Variants in LRRC4C observed in about 807,000 individuals in gnomAD.
LRRC4C encodes leucine rich repeat containing 4C.
A neutral mutation model predicts 33.6 loss-of-function variants in LRRC4C; 5 were observed. That is an observed-to-expected ratio of 0.15 (90% CI 0.08 to 0.31). The LOEUF is 0.31. LRRC4C is among the 10% of genes least tolerant of loss of function. LRRC4C has a pLI of 1.00. For synonymous variants in LRRC4C, 329 were observed against 302.0 expected (o/e 1.09, Z -0.93); for missense variants, 560 against 796.7 (o/e 0.70, Z 3.58).
intron 1 of LRRC4C, among the ~76,000 whole-genome samples, chr11:41,334,907 C>T (rs1253370652): frequency 2.0e-5 from 3 of 151,908 alleles, no homozygotes; most frequent in African/African-American, 7.3e-5. Context: ...AAACCACATA[C>T]ACACAAGAGT....
intron 2 of LRRC4C, among the ~76,000 whole-genome samples, chr11:40,780,962 T>C (rs867435444): frequency 1.3e-5 from 2 of 152,098 alleles, no homozygotes; most frequent in Admixed American, 1.3e-4. Flanking sequence ...CAGTCATGGG[T>C]CACTTACTGA....
At chr11:40,404,032 C>T (rs576545809) in intron 3 of LRRC4C, among the ~76,000 whole-genome samples, 40 of 152,296 alleles carry the variant, frequency 2.6e-4, no homozygotes, top group South Asian at 6.2e-4. Context: ...TGCCTTGTCT[C>T]ATGTTTGCTT....
intron 5 of LRRC4C, among the ~76,000 whole-genome samples, chr11:40,213,891 A>G (rs1236225958): frequency 2.6e-5 from 4 of 152,170 alleles, no homozygotes; most frequent in Non-Finnish European, 5.9e-5. Context: ...ACTACAAACA[A>G]TATGGTAGAT....
chr11:40,410,811 TG>T (rs1482347766), intron 3 of LRRC4C, among the ~76,000 whole-genome samples: 3 of 152,152 alleles, frequency 2.0e-5, no homozygotes, highest in African/African-American at 7.2e-5. Context: ...AGAAATGTCA[TG>T]TTTTTTTGCT....
At chr11:40,767,857 C>T (rs1023320829) in intron 2 of LRRC4C, among the ~76,000 whole-genome samples, 1 of 151,814 alleles carries the variant, frequency 6.6e-6, no homozygotes, top group Non-Finnish European at 1.5e-5. Flanking sequence ...TAAGTGCCTA[C>T]ATCAACAAGG....
chr11:41,036,021 G>T (rs1590313197), intron 1 of LRRC4C, among the ~76,000 whole-genome samples: 1 of 151,802 alleles, frequency 6.6e-6, no homozygotes, highest in African/African-American at 2.4e-5. Context: ...TGGAATTTAC[G>T]TTTAGGAGAA....
intron 1 of LRRC4C, among the ~76,000 whole-genome samples, chr11:41,166,213 C>T (rs1944720318): frequency 1.3e-5 from 2 of 152,124 alleles, no homozygotes; most frequent in East Asian, 1.9e-4. Flanking sequence ...CAGCACAGAG[C>T]CTAGCACATA....
chr11:41,205,591 TTG>T (rs757303606), intron 1 of LRRC4C, among the ~76,000 whole-genome samples: 4 of 152,162 alleles, frequency 2.6e-5, no homozygotes, highest in Non-Finnish European at 4.4e-5. Context: ...ATAAATTTGT[TTG>T]TTTGTTTTTC....
intron 1 of LRRC4C, among the ~76,000 whole-genome samples, chr11:41,040,603 C>T (rs1045692890): frequency 1.3e-5 from 2 of 152,196 alleles, no homozygotes; most frequent in African/African-American, 2.4e-5. Context: ...ATTCAGCCTC[C>T]ATACTTTAGC....
intron 1 of LRRC4C, among the ~76,000 whole-genome samples, chr11:41,190,100 A>G (rs184226585): frequency 2.6e-5 from 4 of 152,340 alleles, no homozygotes. Context: ...ACGGACATTC[A>G]TAACTTTCTG....
At chr11:40,179,932 T>TGATAGATAGGTAGAAAAATGAATA (rs1860846317) in intron 5 of LRRC4C, among the ~76,000 whole-genome samples, 1 of 152,162 alleles carries the variant, frequency 6.6e-6, no homozygotes, top group Non-Finnish European at 1.5e-5. Flanking sequence ...CAAACATATG[T>TGATAGATAGGTAGAAAAATGAATA]GATAGATAGG....
chr11:40,311,616 C>T (rs1945308329), intron 4 of LRRC4C, among the ~76,000 whole-genome samples: 1 of 151,992 alleles, frequency 6.6e-6, no homozygotes, highest in African/African-American at 2.4e-5. Flanking sequence ...CTCTGTTTTC[C>T]AAAAGGTTGC....
At chr11:40,726,164 CA>C (rs372703808) in intron 2 of LRRC4C, among the ~76,000 whole-genome samples, 21,755 of 136,188 alleles carry the variant, frequency 0.16, 1,579 homozygotes, top group Middle Eastern at 0.18. Flanking sequence ...ACCTATCAAC[CA>C]AAAAAAAAAA....
chr11:41,377,959 A>T (rs1953000285), intron 1 of LRRC4C, among the ~76,000 whole-genome samples: 1 of 152,132 alleles, frequency 6.6e-6, no homozygotes, highest in South Asian at 2.1e-4. Flanking sequence ...TTTCCCTTAT[A>T]TTTAATCCGG....
At chr11:40,440,318 TA>T (rs950490469) in intron 3 of LRRC4C, among the ~76,000 whole-genome samples, 1 of 148,048 alleles carries the variant, frequency 6.8e-6, no homozygotes, top group Non-Finnish European at 1.5e-5. Flanking sequence ...TTTTTTTTTT[TA>T]ATACATTTTT....
chr11:40,947,863 G>C (rs1457914447), intron 1 of LRRC4C, among the ~76,000 whole-genome samples: 1 of 152,102 alleles, frequency 6.6e-6, no homozygotes, highest in Non-Finnish European at 1.5e-5. Flanking sequence ...AATAAGCTGG[G>C]ACAGTGGTAG....
chr11:40,541,585 A>G (rs1052627114), intron 3 of LRRC4C, among the ~76,000 whole-genome samples: 22 of 152,150 alleles, frequency 1.4e-4, no homozygotes, highest in Non-Finnish European at 2.5e-4. Context: ...CACAGTCCCA[A>G]TGTTCTGCTG....
intron 3 of LRRC4C, among the ~76,000 whole-genome samples, chr11:40,365,927 GCA>G (rs1356644932): frequency 6.6e-6 from 1 of 151,914 alleles, no homozygotes; most frequent in Non-Finnish European, 1.5e-5. Context: ...ATACTGTCGT[GCA>G]CACACTACAA....
chr11:41,112,062 C>G (rs1487089), intron 1 of LRRC4C, among the ~76,000 whole-genome samples: 147,616 of 152,098 alleles, frequency 0.97, 71,803 homozygotes, highest in East Asian at 1. Flanking sequence ...AATGACCCTT[C>G]AAAATGTAGC....
Sources: allele counts gnomAD v4.1 joint callset (sites outside exome capture counted in the v4.1 genomes callset), GRCh38; gene constraint gnomAD v4.1.1; transcripts MANE v1.5; gene names NCBI Gene and HGNC (gene_info 2026-07-23, HGNC 2026-07-21).